SLIT3: variants seen among roughly 807,000 people sequenced by gnomAD.
SLIT3 encodes the protein slit homolog 3 protein.
A neutral mutation model predicts 184.0 loss-of-function variants in SLIT3; 68 were observed. That is an observed-to-expected ratio of 0.37 (90% CI 0.30 to 0.45). SLIT3 has a LOEUF of 0.45. Among genes scored for constraint, SLIT3 ranks in the 20% least tolerant of loss-of-function variants. The pLI is 1.00. For synonymous variants in SLIT3, 831 were observed against 828.6 expected (o/e 1.00, Z -0.05); for missense variants, 1,707 against 2,026.0 (o/e 0.84, Z 3.02).
At chr5:168,737,651 T>A (rs767518370) in intron 20 of SLIT3, among the ~76,000 whole-genome samples, 2 of 152,214 alleles carry the variant, frequency 1.3e-5, no homozygotes, top group Admixed American at 6.5e-5. Flanking sequence ...AGACCAAAAA[T>A]ATATGTCTAA....
At chr5:168,826,722 T>C (rs1431964174) in intron 6 of SLIT3, among the ~76,000 whole-genome samples, 1 of 152,230 alleles carries the variant, frequency 6.6e-6, no homozygotes, top group Non-Finnish European at 1.5e-5. Context: ...GAGCTTATTA[T>C]ATGCCAGACG....
chr5:169,153,458 T>C (rs1762194450), intron 4 of SLIT3, among the ~76,000 whole-genome samples: 1 of 152,250 alleles, frequency 6.6e-6, no homozygotes, highest in Admixed American at 6.5e-5. Flanking sequence ...ACTGTGGCAG[T>C]GGACTGTATT....
intron 4 of SLIT3, among the ~76,000 whole-genome samples, chr5:169,126,742 G>A (rs914869920): frequency 1.3e-5 from 2 of 152,228 alleles, no homozygotes; most frequent in African/African-American, 4.8e-5. Flanking sequence ...CTTCTAATCA[G>A]GCTGGAGAGG....
intron 4 of SLIT3, among the ~76,000 whole-genome samples, chr5:169,160,066 A>G (rs1762429523): frequency 6.6e-6 from 1 of 152,218 alleles, no homozygotes; most frequent in Non-Finnish European, 1.5e-5. Flanking sequence ...CTAATTGTAG[A>G]TTCATAAAGA....
intron 30 of SLIT3, 74 bp from the exon 31 acceptor site, chr5:168,686,001 A>G: frequency 2.0e-6 from 3 of 1,483,120 alleles, no homozygotes; most frequent in South Asian, 2.8e-5. Context: ...ACTCAGGCCA[A>G]AGAACCTCGA....
At chr5:168,682,137 C>T (rs1017892391) in intron 32 of SLIT3, among the ~76,000 whole-genome samples, 1 of 152,226 alleles carries the variant, frequency 6.6e-6, no homozygotes, top group Admixed American at 6.5e-5. Flanking sequence ...GGGAGACCAC[C>T]AGGGTGAGCT....
intron 4 of SLIT3, among the ~76,000 whole-genome samples, chr5:168,899,552 A>G (rs1760796160): frequency 1.3e-5 from 2 of 152,162 alleles, no homozygotes; most frequent in Non-Finnish European, 2.9e-5. Context: ...TGACAAGTAC[A>G]TGATGCTGGG....
chr5:168,722,968 A>G lies in SLIT3; in HGVS notation c.2376T>C (p.Asn792=). 6.2e-7 allele frequency: 1 copy of G among 1,614,034 alleles called. No individual in the cohort carries two copies. Among genetic ancestry groups the G allele is most frequent in the Non-Finnish European group, 8.5e-7 (1 of 1,179,894 alleles). The part of the protein sequence containing the change: ...LSNNSISMLT[N]YTFSNMSHLS... ...GGTGAGACATGTTACTGAAGGTGTA[A>G]TTGGTCAGCATGCTGATGCTGTTGT... is the stretch of plus-strand genomic sequence containing the variant. The change falls in exon 22 of 36, where the codon AAT becomes AAC. Residue 792 remains asparagine (N), a synonymous_variant. Coordinates refer to ENST00000519560, the MANE Select transcript of SLIT3 (RefSeq NM_003062.4).
intron 4 of SLIT3, among the ~76,000 whole-genome samples, chr5:168,963,420 C>T (rs531215343): frequency 3.2e-4 from 49 of 152,354 alleles, no homozygotes; most frequent in Non-Finnish European, 6.2e-4. Flanking sequence ...ATTCTGCCTG[C>T]CTTGGCCTCC....
At chr5:168,913,501 C>T (rs762502494) in intron 4 of SLIT3, among the ~76,000 whole-genome samples, 1 of 152,242 alleles carries the variant, frequency 6.6e-6, no homozygotes, top group Non-Finnish European at 1.5e-5. Context: ...GGCATAGTGG[C>T]TCATGCCTGT....
intron 18 of SLIT3, among the ~76,000 whole-genome samples, chr5:168,751,955 G>C (rs1202504645): frequency 6.6e-6 from 1 of 152,148 alleles, no homozygotes; most frequent in Non-Finnish European, 1.5e-5. Flanking sequence ...TGGCCAGGAA[G>C]GTCTCAATCT....
In SLIT3 at chr5:169,288,366, A is replaced by C. The variant is rs1259703861; in HGVS notation, c.197+12147T>G. ...TATTTCCCCCTTGAGTTTTTTTTTA[A>C]TTCCACTTGTACTATTTTTTTATGA... On this transcript the variant is annotated intron_variant, in intron 1 of 35. Transcript: ENST00000519560. Among the ~76,000 whole-genome samples the C allele has an allele frequency of 3.9e-5, 6 of 151,902 alleles. No individual in the cohort carries two copies. In the South Asian group the frequency reaches 1.2e-3, roughly 32 times the overall value.
At chr5:169,276,870 G>A (rs1030069398) in intron 1 of SLIT3, among the ~76,000 whole-genome samples, 6 of 152,156 alleles carry the variant, frequency 3.9e-5, no homozygotes, top group African/African-American at 1.4e-4. Context: ...CAGGCTTTTT[G>A]TTTCTCTTGT....
chr5:169,188,161 G>A lies in SLIT3; in HGVS notation c.413+5318C>T, dbSNP rs111745552. 1.8e-3 allele frequency among the ~76,000 whole-genome samples: 276 copies of A among 152,266 alleles called. 3 individuals carry two copies. The highest frequency in any genetic ancestry group is 6.5e-3 in the African/African-American group (269 of 41,542). On this transcript the variant is annotated intron_variant, in intron 4 of 35. Coordinates refer to ENST00000519560, the MANE Select transcript of SLIT3 (RefSeq NM_003062.4). ...TTTGGTAGAGGTGGGGTTTCACCAT[G>A]TTGCCCAGGCTGGTCTCGAACTCCT... is the stretch of plus-strand genomic sequence containing the variant.
chr5:169,174,745 G>A (rs181522112), intron 4 of SLIT3, among the ~76,000 whole-genome samples: 53 of 152,086 alleles, frequency 3.5e-4, no homozygotes, highest in East Asian at 2.1e-3. Flanking sequence ...AGATATCTGA[G>A]CCAAGAGCTT....
rs535266131 is a variant in SLIT3 at position 169,122,011 on chromosome 5, T to C, written c.413+71468A>G. ...CGGTTTACCAAATGGTAGCTCCTTT[T>C]ACCATCCCCCAAATGTAGGGGCAAC... On this transcript the variant is annotated intron_variant, in intron 4 of 35. Transcript: ENST00000519560. 1.7e-4 allele frequency among the ~76,000 whole-genome samples: 26 copies of C among 152,328 alleles called. No homozygotes were observed. In the South Asian group the frequency reaches 5.4e-3, roughly 32 times the overall value.
intron 4 of SLIT3, among the ~76,000 whole-genome samples, chr5:169,137,421 G>A (rs2113333298): frequency 6.6e-6 from 1 of 151,880 alleles, no homozygotes; most frequent in South Asian, 2.1e-4. Flanking sequence ...CCCTGAGGAG[G>A]CCTCAGGGGG....
chr5:169,185,026 T>C (rs755904129), intron 4 of SLIT3, among the ~76,000 whole-genome samples: 1 of 152,156 alleles, frequency 6.6e-6, no homozygotes, highest in East Asian at 1.9e-4. Flanking sequence ...GCTGGACACA[T>C]CCTATCGGAG....
intron 4 of SLIT3, among the ~76,000 whole-genome samples, chr5:169,007,081 G>A (rs531273898): frequency 9.2e-5 from 14 of 152,108 alleles, no homozygotes; most frequent in Non-Finnish European, 1.6e-4. Context: ...TGCTGTTCTC[G>A]TGATAGTGAG....
Sources: gnomAD v4.1 joint callset for allele counts (sites outside exome capture counted in the v4.1 genomes callset) on GRCh38, gnomAD v4.1.1 for gene constraint, MANE v1.5 for transcripts, NCBI Gene and HGNC (gene_info 2026-07-23, HGNC 2026-07-21) for gene names.